Variants in STAG3 observed in about 807,000 individuals in gnomAD.
STAG3 encodes the protein cohesin subunit SA-3.
STAG3 carries 101 observed loss-of-function variants against 160.7 expected under a neutral mutation model. The ratio of observed to expected loss-of-function variants is 0.63; its 90% CI spans 0.54 to 0.74. The LOEUF (loss-of-function observed/expected upper bound fraction) is 0.74, where lower values mean the gene tolerates loss of function less well. Ranked by LOEUF, STAG3 falls within the 30% of genes least tolerant of loss-of-function variation. The pLI is 0.00. For missense variants in STAG3, 1,188 were observed against 1,517.4 expected (o/e 0.78, Z 3.61); for synonymous variants, 519 against 585.0 (o/e 0.89, Z 1.63).
chr7:100,215,650 G>T, downstream of STAG3, among the ~76,000 whole-genome samples: 1 of 152,090 alleles, frequency 6.6e-6, no homozygotes, highest in Admixed American at 6.5e-5. Flanking sequence ...GAGCAGCTTG[G>T]GGGCTTTGCA....
At position 100,182,888 on chromosome 7, in the gene STAG3, T is replaced by C. The variant is rs1289635439; in HGVS notation, c.336+49T>C. On this transcript the variant is annotated intron_variant, in intron 4 of 33. Transcript: ENST00000615138. Reference sequence around the variant, plus strand: ...TGATACCATCTCACTTTTTGTAAGGTGGTAAGGACAAGTGTCTACAAACTT... The same window carrying C: ...TGATACCATCTCACTTTTTGTAAGGCGGTAAGGACAAGTGTCTACAAACTT... 1.9e-6 allele frequency: 3 copies of C among 1,605,006 alleles called. No individual in the cohort carries two copies. In the African/African-American group the frequency reaches 4.0e-5, roughly 21 times the overall value.
At chr7:100,206,928 A>C (rs983031081) in intron 29 of STAG3, among the ~76,000 whole-genome samples, 5 of 152,196 alleles carry the variant, frequency 3.3e-5, no homozygotes, top group African/African-American at 4.8e-5. Flanking sequence ...TCACTAATAT[A>C]ATTCCTATCT....
At chr7:100,191,065 T>G (rs1025852215) in intron 8 of STAG3, among the ~76,000 whole-genome samples, 2 of 152,180 alleles carry the variant, frequency 1.3e-5, no homozygotes, top group African/African-American at 4.8e-5. Flanking sequence ...TAATTCTGTT[T>G]CCTTGGTGTC....
intron 11 of STAG3, 39 bp downstream of exon 11, chr7:100,197,915 T>G: frequency 6.3e-7 from 1 of 1,583,136 alleles, no homozygotes. Flanking sequence ...CTCTTTGTCG[T>G]GGTTCCTATT....
intron 18 of STAG3, 53 bp from the exon 19 acceptor site, chr7:100,200,716 G>C: frequency 6.3e-7 from 1 of 1,593,322 alleles, no homozygotes; most frequent in South Asian, 1.1e-5. Flanking sequence ...CCCGCCAGAA[G>C]AGTGTCCTCC....
At position 100,211,022 on chromosome 7, in the gene STAG3, C is replaced by T; in HGVS notation, c.3250C>T (p.Pro1084Ser). 6.2e-7 allele frequency: 1 copy of T among 1,613,756 alleles called. No homozygotes were observed. The highest frequency in any genetic ancestry group is 8.5e-7 in the Non-Finnish European group (1 of 1,179,932). ...CATCTGCTTGGCAGGGCCTGCCAAG[C>T]CTAACAGAGAGGACGTCTCCTCGTC... Reference protein sequence around the residue: ...KRRRVEGPAKPNREDVSSSQE... With the variant: ...KRRRVEGPAKSNREDVSSSQE... The change falls in exon 30 of 34, where the codon CCT becomes TCT. Residue 1084 changes from proline (P) to serine (S), a missense_variant. Around this residue, in one of 4 missense-constraint regions of STAG3, gnomAD observed 647 missense variants for 717.2 expected, o/e 0.90. Coordinates refer to ENST00000615138, the MANE Select transcript of STAG3 (RefSeq NM_001282717.2).
Position 100,195,311 on chromosome 7 carries a change from C to G in STAG3, c.870C>G (p.Leu290=). ...ACCCGTTTCTCCCTGTCCTCCAGCT[C>G]CAAGAGCATCAAGAGGAGATTGAGG... ...LESLLEKRKE[L]QEHQEEIEGM... Residue 290 remains leucine (L), a splice_region_variant and synonymous_variant, in exon 9 of 34, where the codon CTC becomes CTG. Coordinates refer to ENST00000615138, the MANE Select transcript of STAG3 (RefSeq NM_001282717.2). 6.2e-7 allele frequency: 1 copy of G among 1,614,112 alleles called. No homozygotes were observed. The highest frequency in any genetic ancestry group is 8.5e-7 in the Non-Finnish European group (1 of 1,179,974).
intron 29 of STAG3, among the ~76,000 whole-genome samples, chr7:100,209,933 G>C (rs1309678665): frequency 1.3e-5 from 2 of 152,186 alleles, no homozygotes; most frequent in Non-Finnish European, 2.9e-5. Context: ...TTGGCCACAG[G>C]ATTACAGGTG....
chr7:100,211,113 A>G lies in STAG3; in HGVS notation c.3341A>G (p.Lys1114Arg). 1 of 1,612,350 alleles carries G rather than the reference A, an allele frequency of 6.2e-7. No individual in the cohort carries two copies. The highest frequency in any genetic ancestry group is 1.3e-5 in the African/African-American group (1 of 74,960). ...PTPTLTSTAV[K>R]SRQPLWGLKE... The stretch of plus-strand genomic sequence containing the variant: ...CCCACCCTCACCTCCACAGCTGTGA[A>G]GAGCAGGCAGCCCCTGTGGGGGTTG... Residue 1114 changes from lysine to arginine, a missense_variant, in exon 30 of 34, where the codon AAG (lysine) becomes AGG (arginine). This residue lies in a region of STAG3 where 647 missense variants were observed against 717.2 expected (regional missense o/e 0.90). Coordinates refer to ENST00000615138, the MANE Select transcript of STAG3 (RefSeq NM_001282717.2).
At chr7:100,193,903 T>G (rs1800498780) in intron 8 of STAG3, among the ~76,000 whole-genome samples, 1 of 152,050 alleles carries the variant, frequency 6.6e-6, no homozygotes, top group Admixed American at 6.6e-5. Flanking sequence ...AGCTATCGAT[T>G]GGCCTGTCTT....
intron 4 of STAG3, among the ~76,000 whole-genome samples, chr7:100,185,623 G>T (rs1327038848): frequency 6.8e-6 from 1 of 147,650 alleles, no homozygotes; most frequent in Non-Finnish European, 1.5e-5. Flanking sequence ...AAAAGGAAAA[G>T]AAAAAAAAAG....
chr7:100,197,423 C>G (rs3991335), intron 10 of STAG3, 144 bp downstream of exon 10: 1 of 1,162,476 alleles, frequency 8.6e-7, no homozygotes, highest in Non-Finnish European at 1.3e-6. Context: ...TTGAAATTCC[C>G]CTAGCACTGG....
At chr7:100,202,910 T>A (rs1183225524) in intron 25 of STAG3, among the ~76,000 whole-genome samples, 1 of 152,100 alleles carries the variant, frequency 6.6e-6, no homozygotes, top group Non-Finnish European at 1.5e-5. Flanking sequence ...AAAAGAGGGA[T>A]CAGTCCTCAC....
chr7:100,181,102 C>CT lies in STAG3; in HGVS notation c.116+433dup, dbSNP rs1384967439. On this transcript the variant is annotated intron_variant, in intron 2 of 33. Coordinates refer to ENST00000615138, the MANE Select transcript of STAG3 (RefSeq NM_001282717.2). ...CTGGCAGATGGGGGAGTAAAGAGTT[C>CT]TTTATTTGTTGCCTGGTAAATTGTA... Among the ~76,000 whole-genome samples the CT allele has an allele frequency of 5.9e-5, 9 of 152,180 alleles. No individual in the cohort carries two copies. The East Asian group carries it at 1.7e-3, about 29-fold the overall frequency.
Position 100,201,771 on chromosome 7 carries a change from C to A in STAG3, c.2221-15C>A. The A allele has an allele frequency of 6.2e-7, 1 of 1,613,456 alleles. No homozygotes were observed. Among genetic ancestry groups the A allele is most frequent in the Non-Finnish European group, 8.5e-7 (1 of 1,179,458 alleles). ...CTAACCCAAACCTCATTTTTCAAAC[C>A]CTTTGTTGTTACAGGTTATCCTGCC... On this transcript the variant is annotated splice_polypyrimidine_tract_variant and intron_variant, in intron 21 of 33. Coordinates refer to ENST00000615138, the MANE Select transcript of STAG3 (RefSeq NM_001282717.2).
chr7:100,187,670 C>T (rs895575391), intron 5 of STAG3, among the ~76,000 whole-genome samples: 56 of 151,782 alleles, frequency 3.7e-4, no homozygotes, highest in African/African-American at 1.3e-3. Context: ...GGCAAGTCGG[C>T]TTAACCTCCT....
At chr7:100,195,970 A>G (rs1400202748) in intron 9 of STAG3, among the ~76,000 whole-genome samples, 1 of 152,084 alleles carries the variant, frequency 6.6e-6, no homozygotes, top group African/African-American at 2.4e-5. Flanking sequence ...TCTCTACTGA[A>G]AATACAAAAT....
Position 100,180,671 on chromosome 7 carries a change from G to C in STAG3, c.115G>C (p.Gly39Arg), listed in dbSNP as rs1427590685. 1 of 1,578,530 alleles carries C rather than the reference G, an allele frequency of 6.3e-7. No homozygotes were observed. Among genetic ancestry groups the C allele is most frequent in the Admixed American group, 1.7e-5 (1 of 59,962 alleles). The change falls in exon 2 of 34, where the codon GGG (glycine) becomes CGG (arginine). Residue 39 changes from glycine to arginine, a missense_variant and splice_region_variant. Gly to Arg is a moderately radical substitution (Grantham distance 125). This residue lies in a region of STAG3 where 296 missense variants were observed against 404.0 expected (regional missense o/e 0.73). Transcript: ENST00000615138. The stretch of plus-strand genomic sequence containing the variant: ...CAGGGACTCAAACCATACCTCAGAG[G>C]GGTAAGTAGATGTTGCATTGTGTGG... The part of the protein sequence containing the change: ...DDRDSNHTSE[G>R]NGDSLLADED...
At chr7:100,178,191 CTG>C (rs1799397998) in intron 1 of STAG3, 186 bp downstream of exon 1, 1 of 152,278 alleles carries the variant, frequency 6.6e-6, no homozygotes, top group Non-Finnish European at 1.5e-5. Context: ...CCTCCATAGA[CTG>C]AGAGTCCATT....
Sources: allele counts gnomAD v4.1 joint callset (sites outside exome capture counted in the v4.1 genomes callset), GRCh38; gene constraint gnomAD v4.1.1; regional missense constraint gnomAD v4.1.1; transcripts MANE v1.5; gene names NCBI Gene and HGNC (gene_info 2026-07-23, HGNC 2026-07-21).